The following PRSS23 variants were observed in gnomAD, a reference collection of about 807,000 sequenced individuals.
The protein encoded by PRSS23 is protease, serine 23.
Under a neutral mutation model 34.7 loss-of-function variants are expected in PRSS23, and 25 were observed. The ratio of observed to expected loss-of-function variants is 0.72; its 90% CI spans 0.53 to 1.01. The LOEUF is 1.01. Among genes scored for constraint, PRSS23 ranks in the 50% least tolerant of loss-of-function variants. PRSS23 has a pLI of 0.00. For missense variants in PRSS23, 445 were observed against 475.6 expected, an observed-to-expected ratio of 0.94 and a Z score of 0.60; for synonymous variants, 176 against 186.6, an observed-to-expected ratio of 0.94 and a Z score of 0.46.
chr11:86,943,712 A>G (rs769703751), intron 2 of PRSS23, among the ~76,000 whole-genome samples: 16 of 152,234 alleles, frequency 1.1e-4, no homozygotes, highest in Admixed American at 4.6e-4. Context: ...GTAACAAATT[A>G]TCACAAACTG....
intron 1 of PRSS23, among the ~76,000 whole-genome samples, chr11:86,791,477 C>T (rs772053320): frequency 5.9e-5 from 9 of 152,180 alleles, no homozygotes; most frequent in Non-Finnish European, 1.0e-4. Flanking sequence ...TCCTGCTGAA[C>T]CCCTGGGCCA....
chr11:86,814,530 A>G (rs924249130), downstream of PRSS23, among the ~76,000 whole-genome samples: 6 of 152,192 alleles, frequency 3.9e-5, no homozygotes, highest in African/African-American at 1.4e-4. Context: ...GCTTCAGGTT[A>G]TGTTTAGAAA....
upstream of PRSS23, among the ~76,000 whole-genome samples, chr11:86,797,602 T>C (rs1947989599): frequency 6.6e-6 from 1 of 152,180 alleles, no homozygotes; most frequent in Non-Finnish European, 1.5e-5. Flanking sequence ...CTCTGAGTGA[T>C]GGGAATAATC....
rs377443153 is a variant in PRSS23, at chr11:86,952,404, C to T, written c.*1119C>T. 1.4e-5 allele frequency: 22 copies of T among 1,614,082 alleles called. No individual in the cohort carries two copies. The African/African-American group carries it at 2.1e-4, about 16-fold the overall frequency. The stretch of plus-strand genomic sequence containing the variant: ...CTCTTGACTGAAAGACACATGCCGC[C>T]GCATGGGCCAATGGGGATGTTGATC... On this transcript the variant is annotated 3_prime_UTR_variant, in exon 3 of 3. Coordinates refer to the PRSS23 transcript ENST00000533902.
At chr11:86,933,238 G>A (rs1350170) in intron 2 of PRSS23, 1 of 152,150 alleles carries the variant, frequency 6.6e-6, no homozygotes, top group Non-Finnish European at 1.5e-5. Flanking sequence ...TCATTTCTAA[G>A]GTTAATTCTC....
intron 2 of PRSS23, chr11:86,832,595 G>T: frequency 2.0e-6 from 1 of 489,982 alleles, no homozygotes; most frequent in Admixed American, 2.0e-5. Flanking sequence ...GTAGATGAAG[G>T]GGTTCAGCAT....
rs144865545 is a variant in PRSS23, at chr11:86,870,365, G to A, written c.206+46772G>A. 2.2e-3 allele frequency among the ~76,000 whole-genome samples: 332 copies of A among 152,190 alleles called. 1 individual carries two copies. The highest frequency in any genetic ancestry group is 7.7e-3 in the African/African-American group (319 of 41,524). On this transcript the variant is annotated intron_variant, in intron 2 of 2. Transcript: ENST00000533902. Reference sequence around the variant, plus strand: ...GGATGGTTGGATCTGGATAGAAATAGGGCCTCGTACTGTGTTTAGTTCCCT... The same window carrying A: ...GGATGGTTGGATCTGGATAGAAATAAGGCCTCGTACTGTGTTTAGTTCCCT...
chr11:86,893,348 C>A (rs1051460858), intron 2 of PRSS23, among the ~76,000 whole-genome samples: 1 of 152,176 alleles, frequency 6.6e-6, no homozygotes, highest in Non-Finnish European at 1.5e-5. Flanking sequence ...ATATAAGTAT[C>A]TGAATCCAAA....
intron 2 of PRSS23, among the ~76,000 whole-genome samples, chr11:86,835,796 TAGTG>T (rs1640971790): frequency 6.6e-6 from 1 of 152,060 alleles, no homozygotes; most frequent in Non-Finnish European, 1.5e-5. Flanking sequence ...TAGCCACAGG[TAGTG>T]AGGAAATTTA....
Position 86,817,044 on chromosome 11 carries a change from TTA to T in PRSS23, c.-11-6330_-11-6329del, listed in dbSNP as rs548992022. 4.7e-3 allele frequency among the ~76,000 whole-genome samples: 716 copies of T among 152,334 alleles called. 10 individuals are homozygous for T. The highest frequency in any genetic ancestry group is 0.016 in the African/African-American group (673 of 41,574). On this transcript the variant is annotated intron_variant, in intron 1 of 2. Coordinates refer to the PRSS23 transcript ENST00000533902. ...TGCTTGAGTCTAAAACTCTGGACAT[TTA>T]TAGTTGCGATCAGATTTATTTCCAT...
At chr11:86,838,881 T>C (rs1409178659) in intron 2 of PRSS23, among the ~76,000 whole-genome samples, 3 of 152,066 alleles carry the variant, frequency 2.0e-5, no homozygotes, top group African/African-American at 4.8e-5. Flanking sequence ...GACCTGCAAC[T>C]GAGGGGCCTG....
intron 2 of PRSS23, among the ~76,000 whole-genome samples, chr11:86,922,889 C>A (rs1949055935): frequency 6.6e-6 from 1 of 152,162 alleles, no homozygotes; most frequent in African/African-American, 2.4e-5. Context: ...ACTACACCTG[C>A]ACTGTAGGTC....
upstream of PRSS23, among the ~76,000 whole-genome samples, chr11:86,798,945 T>G (rs1948000227): frequency 6.6e-6 from 1 of 152,186 alleles, no homozygotes; most frequent in South Asian, 2.1e-4. Context: ...TCTGCCCACT[T>G]TGGTCTTCCA....
At chr11:86,865,266 T>G (rs1948642360) in intron 2 of PRSS23, among the ~76,000 whole-genome samples, 2 of 152,208 alleles carry the variant, frequency 1.3e-5, no homozygotes, top group Non-Finnish European at 2.9e-5. Context: ...CTATATGTGG[T>G]CTTGAGCAAG....
chr11:86,900,790 T>C (rs1435901314), intron 2 of PRSS23, among the ~76,000 whole-genome samples: 29 of 144,556 alleles, frequency 2.0e-4, no homozygotes, highest in Middle Eastern at 3.4e-3. Flanking sequence ...TCTTTTTTTT[T>C]TTTTTTTTTT....
At chr11:86,928,434 G>T (rs1949097625) in intron 2 of PRSS23, among the ~76,000 whole-genome samples, 1 of 148,624 alleles carries the variant, frequency 6.7e-6, no homozygotes, top group Non-Finnish European at 1.5e-5. Flanking sequence ...CCAGCACTTT[G>T]GGAGGCTGAG....
chr11:86,949,759 T>C (rs1949274165), intron 2 of PRSS23: 2 of 152,706 alleles, frequency 1.3e-5, no homozygotes, highest in Non-Finnish European at 2.9e-5. Context: ...CTACACTTTA[T>C]TCCCTACTAA....
chr11:86,885,635 G>A (rs1302599819), intron 2 of PRSS23, among the ~76,000 whole-genome samples: 2 of 152,210 alleles, frequency 1.3e-5, no homozygotes, highest in East Asian at 1.9e-4. Context: ...GACTTGAACT[G>A]CAACATTAGT....
downstream of PRSS23, among the ~76,000 whole-genome samples, chr11:86,811,851 T>C (rs185830658): frequency 8.0e-4 from 122 of 152,300 alleles, 1 homozygote; most frequent in Non-Finnish European, 1.4e-3. Flanking sequence ...GGCTGCTGTC[T>C]GCTAACTGAA....
Sources: allele counts gnomAD v4.1 joint callset (sites outside exome capture counted in the v4.1 genomes callset), GRCh38; gene constraint gnomAD v4.1.1; transcripts MANE v1.5; gene names NCBI Gene and HGNC (gene_info 2026-07-23, HGNC 2026-07-21).